Variants in EIF2B1 observed in about 807,000 individuals in gnomAD.
EIF2B1 encodes the protein translation initiation factor eIF2B subunit alpha.
Under a neutral mutation model 36.8 loss-of-function variants are expected in EIF2B1, and 30 were observed. The ratio of observed to expected loss-of-function variants is 0.81; its 90% CI spans 0.61 to 1.10. The LOEUF is 1.10. Ranked by LOEUF, EIF2B1 falls within the 50% of genes least tolerant of loss-of-function variation. The pLI is 0.00. For missense variants in EIF2B1, 271 were observed against 374.8 expected, an observed-to-expected ratio of 0.72 and a Z score of 2.29; for synonymous variants, 139 against 142.2, an observed-to-expected ratio of 0.98 and a Z score of 0.16.
At chr12:123,628,339 G>T in intron 4 of EIF2B1, among the ~76,000 whole-genome samples, 1 of 150,112 alleles carries the variant, frequency 6.7e-6, no homozygotes, top group African/African-American at 2.5e-5. Flanking sequence ...CACCACAGTA[G>T]GCCCATAACC....
Position 123,624,705 on chromosome 12 carries a change from A to G in EIF2B1, c.627+82T>C, listed in dbSNP as rs1955135076. The G allele has an allele frequency of 4.2e-6, 5 of 1,180,676 alleles. No homozygotes were observed. In the Admixed American group the frequency reaches 8.5e-5, roughly 20 times the overall value. 73.1% of individuals were successfully genotyped at this position (1,180,676 alleles called of 1,614,324 possible). On this transcript the variant is annotated intron_variant, in intron 7 of 8. Transcript: ENST00000424014. ...GTGAAGCAGGATTAGAAGGAACCATAATCAACACTGCTGTGGTGTCCTAGG... is the reference window on the plus strand; with the variant it reads ...GTGAAGCAGGATTAGAAGGAACCATGATCAACACTGCTGTGGTGTCCTAGG...
intron 2 of EIF2B1, among the ~76,000 whole-genome samples, chr12:123,631,806 C>CA (rs36090968): frequency 1.1e-3 from 137 of 128,246 alleles, no homozygotes; most frequent in South Asian, 2.3e-3. Flanking sequence ...GACTCCGTCT[C>CA]AAAAAAAAAA....
intron 6 of EIF2B1, 173 bp downstream of exon 6, chr12:123,626,252 A>G (rs546785529): frequency 4.6e-5 from 32 of 690,840 alleles, no homozygotes; most frequent in Non-Finnish European, 7.1e-5. Context: ...TCTTCTTTGT[A>G]TGCTATCACA....
At chr12:123,632,835 A>G (rs1188803698) in intron 1 of EIF2B1, among the ~76,000 whole-genome samples, 5 of 150,668 alleles carry the variant, frequency 3.3e-5, no homozygotes, top group Non-Finnish European at 5.9e-5. Context: ...AGTCCCAGCT[A>G]CTTGGGAGGC....
Position 123,621,248 on chromosome 12 carries a change from T to A in EIF2B1, c.*508A>T, listed in dbSNP as rs961054040. The A allele has an allele frequency of 2.4e-5, 5 of 208,316 alleles. No individual in the cohort carries two copies. Among genetic ancestry groups the A allele is most frequent in the Non-Finnish European group, 4.9e-5 (5 of 101,816 alleles). The allele number at this position is 208,316 out of a possible 1,614,324, so 12.9% of individuals were successfully genotyped here. The stretch of plus-strand genomic sequence containing the variant: ...TGTTCTCTTGGTAGTTTTTACTGTT[T>A]GGCTTGATCCTGCTGAGGAATGTGC... On this transcript the variant is annotated 3_prime_UTR_variant, in exon 9 of 9. Transcript: ENST00000424014.
intron 1 of EIF2B1, among the ~76,000 whole-genome samples, 189 bp from the exon 2 acceptor site, chr12:123,632,635 GCT>G (rs1955204449): frequency 6.6e-6 from 1 of 152,176 alleles, no homozygotes; most frequent in Non-Finnish European, 1.5e-5. Context: ...GTTTGCAAGA[GCT>G]CTTTTTTATT....
chr12:123,632,234 C>G (rs1955196569), intron 2 of EIF2B1, 111 bp downstream of exon 2: 2 of 800,118 alleles, frequency 2.5e-6, no homozygotes, highest in Admixed American at 4.2e-5. Flanking sequence ...CGCCACTGCA[C>G]TCCAGCCTGG....
chr12:123,627,005 A>G (rs774774980), intron 5 of EIF2B1, 39 bp downstream of exon 5: 5 of 1,586,254 alleles, frequency 3.2e-6, no homozygotes, highest in Non-Finnish European at 4.3e-6. Context: ...GCTCTGTAAA[A>G]TTATGGCTGG....
Position 123,630,293 on chromosome 12 carries a change from G to GA in EIF2B1, c.253-9dup, listed in dbSNP as rs1955178353. The GA allele has an allele frequency of 6.2e-7, 1 of 1,614,092 alleles. No homozygotes were observed. The highest frequency in any genetic ancestry group is 8.5e-7 in the Non-Finnish European group (1 of 1,179,960). On this transcript the variant is annotated splice_polypyrimidine_tract_variant and intron_variant, in intron 3 of 8. Transcript: ENST00000424014. The surrounding 1 kb of genome is among the most constrained non-coding windows in gnomAD (Gnocchi z 4.6). ...TTTACATTTGGAGTAATCCTAGGAA[G>GA]AAAAGAGCAAACTGAGGGGACAGGG...
chr12:123,621,222 G>C lies in EIF2B1; in HGVS notation c.*534C>G, dbSNP rs1035126065. ...GCTAAACATCGTTTCTGCCTTCCTC[G>C]TGTTCTCTTGGTAGTTTTTACTGTT... On this transcript the variant is annotated 3_prime_UTR_variant, in exon 9 of 9. Transcript: ENST00000424014. 5.2e-6 allele frequency: 1 copy of C among 192,826 alleles called. No homozygotes were observed. The highest frequency in any genetic ancestry group is 1.1e-5 in the Non-Finnish European group (1 of 92,256). The allele number at this position is 192,826 out of a possible 1,614,324, so 11.9% of individuals were successfully genotyped here.
At chr12:123,625,007 T>G in intron 6 of EIF2B1, 145 bp from the exon 7 acceptor site, 1 of 714,518 alleles carries the variant, frequency 1.4e-6, no homozygotes, top group South Asian at 1.5e-5. Flanking sequence ...TAACACGCGA[T>G]AGACCCCTGG....
intron 5 of EIF2B1, 104 bp downstream of exon 5, chr12:123,626,939 TG>T (rs1955153239): frequency 2.9e-6 from 3 of 1,040,374 alleles, no homozygotes; most frequent in Non-Finnish European, 4.5e-6. Context: ...TGCTGACTGC[TG>T]GCAAGCTGGG....
intron 1 of EIF2B1, among the ~76,000 whole-genome samples, chr12:123,632,893 C>T: frequency 6.8e-6 from 1 of 148,028 alleles, no homozygotes; most frequent in South Asian, 2.1e-4. Flanking sequence ...TTGCAGTGAG[C>T]CGAGACTGCG....
chr12:123,632,270 T>TTA (rs1566217878), intron 2 of EIF2B1, 75 bp downstream of exon 2: 10 of 762,902 alleles, frequency 1.3e-5, no homozygotes, highest in Admixed American at 2.4e-5. Flanking sequence ...TCCGTCTCTT[T>TTA]AAAAAAAAAA....
At chr12:123,622,565 T>A in intron 8 of EIF2B1, 71 bp downstream of exon 8, 1 of 1,601,598 alleles carries the variant, frequency 6.2e-7, no homozygotes, top group South Asian at 1.1e-5. Flanking sequence ...TACTGGAACA[T>A]TCTTAGGACT....
chr12:123,620,590 A>T lies in EIF2B1; in HGVS notation c.*1166T>A, dbSNP rs1367092898. ...AGACATATGTACATATTATATATAT[A>T]TATATATATATATATATATATATAT... On this transcript the variant is annotated 3_prime_UTR_variant, in exon 9 of 9. Coordinates refer to ENST00000424014, the MANE Select transcript of EIF2B1 (RefSeq NM_001414.4). 4 of 59,976 alleles carry T rather than the reference A, an allele frequency of 6.7e-5. No individual in the cohort carries two copies. The highest frequency in any genetic ancestry group is 2.3e-4 in the African/African-American group (4 of 17,104). The allele number at this position is 59,976 out of a possible 1,614,324, so 3.7% of individuals were successfully genotyped here.
At position 123,630,073 on chromosome 12, in the gene EIF2B1, TC is replaced by T. The variant is rs1955176453; in HGVS notation, c.369+95del. 9.7e-7 allele frequency: 1 copy of T among 1,034,642 alleles called. No individual in the cohort carries two copies. Among genetic ancestry groups the T allele is most frequent in the Non-Finnish European group, 1.5e-6 (1 of 659,806 alleles). The allele number at this position is 1,034,642 out of a possible 1,614,324, so 64.1% of individuals were successfully genotyped here. On this transcript the variant is annotated intron_variant, in intron 4 of 8. Coordinates refer to ENST00000424014, the MANE Select transcript of EIF2B1 (RefSeq NM_001414.4). The surrounding 1 kb of genome is among the most constrained non-coding windows in gnomAD (Gnocchi z 4.6). ...ACAGGTTAAGTTACTTGTTCAAGTC[TC>T]CACAGCAAGTGAGTGGCAGAGCCCG...
At chr12:123,629,825 A>G (rs1955174833) in intron 4 of EIF2B1, among the ~76,000 whole-genome samples, 1 of 152,094 alleles carries the variant, frequency 6.6e-6, no homozygotes, top group Non-Finnish European at 1.5e-5. Flanking sequence ...AAATAAATCA[A>G]GAATCACACG....
chr12:123,620,615 T>TAAAA lies in EIF2B1; in HGVS notation c.*1140_*1141insTTTT, dbSNP rs1955068617. ...ATATATATATATATATATATATATATATATATATATATAAGCTCTTTTTTC... is the reference window on the plus strand; with the variant it reads ...ATATATATATATATATATATATATATAAAAATATATATATATAAGCTCTTTTTTC... On this transcript the variant is annotated 3_prime_UTR_variant, in exon 9 of 9. Transcript: ENST00000424014. 1.6e-5 allele frequency: 2 copies of TAAAA among 122,422 alleles called. No individual in the cohort carries two copies. Among genetic ancestry groups the TAAAA allele is most frequent in the African/African-American group, 6.8e-5 (2 of 29,522 alleles). The allele number at this position is 122,422 out of a possible 1,614,324, so 7.6% of individuals were successfully genotyped here.
Sources: allele counts gnomAD v4.1 joint callset (sites outside exome capture counted in the v4.1 genomes callset), GRCh38; gene constraint gnomAD v4.1.1; non-coding constraint Gnocchi (gnomAD v3.1); transcripts MANE v1.5; gene names NCBI Gene and HGNC (gene_info 2026-07-23, HGNC 2026-07-21).